WDR54: variants seen among roughly 807,000 people sequenced by gnomAD.
WDR54 encodes WD repeat domain 54.
WDR54 carries 44 observed loss-of-function variants against 44.1 expected under a neutral mutation model. The observed-to-expected ratio is 1.00, with a 90% CI of 0.78 to 1.28. The LOEUF is 1.28. Among genes scored for constraint, WDR54 ranks in the 50% most tolerant of loss-of-function variants. WDR54 has a pLI of 0.00. For synonymous variants in WDR54, 169 were observed against 169.8 expected (o/e 1.00, Z 0.04); for missense variants, 409 against 429.7 (o/e 0.95, Z 0.43).
chr2:74,423,907 C>T lies in WDR54; in HGVS notation c.459C>T (p.Asn153=), dbSNP rs1437292047. The T allele has an allele frequency of 3.7e-6, 6 of 1,614,046 alleles. 1 individual carries two copies. In the South Asian group the frequency reaches 4.4e-5, roughly 12 times the overall value. Residue 153 remains asparagine (N), a synonymous_variant, in exon 6 of 10, where the codon AAC becomes AAT. Coordinates refer to ENST00000348227, the MANE Select transcript of WDR54 (RefSeq NM_032118.4). ...LVFDIPAKGP[N]IVLSEELAGH... ...TTGACATCCCAGCAAAGGGTCCCAA[C>T]ATTGTACTGAGCGAGGAGCTGGCTG... is the stretch of plus-strand genomic sequence containing the variant.
chr2:74,423,050 C>T, intron 3 of WDR54, 118 bp downstream of exon 3: 2 of 1,072,982 alleles, frequency 1.9e-6, no homozygotes, highest in Non-Finnish European at 2.8e-6. Flanking sequence ...TTGGCCCACT[C>T]ACTCTTTTTC....
chr2:74,423,588 G>A, intron 5 of WDR54, 57 bp downstream of exon 5: 2 of 1,596,072 alleles, frequency 1.3e-6, no homozygotes, highest in Non-Finnish European at 1.7e-6. Flanking sequence ...GCTGTGGCCA[G>A]GAGAATAATG....
At chr2:74,425,291 A>G in intron 8 of WDR54, 54 bp downstream of exon 8, 1 of 1,543,312 alleles carries the variant, frequency 6.5e-7, no homozygotes. Context: ...TGGAATGTTG[A>G]GAGAACACCA....
chr2:74,424,098 T>A, intron 6 of WDR54, 116 bp downstream of exon 6: 1 of 1,332,020 alleles, frequency 7.5e-7, no homozygotes, highest in African/African-American at 1.5e-5. Context: ...CAAATCTACA[T>A]TTTCCTAGTC....
Position 74,424,963 on chromosome 2 carries a change from T to A in WDR54, c.623T>A (p.Ile208Asn). ...CCAGAATTCACATTATTGACCCGCATTCCAGGATTTGGGTAGGTGAGGCAG... is the reference window on the plus strand; with the variant it reads ...CCAGAATTCACATTATTGACCCGCAATCCAGGATTTGGGTAGGTGAGGCAG... ...SGPEFTLLTRIPGFGVPCPSV... is the reference protein window; with the variant it reads ...SGPEFTLLTRNPGFGVPCPSV... Residue 208 changes from isoleucine (I) to asparagine (N), a missense_variant, in exon 7 of 10, where the codon ATT (isoleucine) becomes AAT (asparagine). Transcript: ENST00000348227. 1 of 1,614,202 alleles carries A rather than the reference T, an allele frequency of 6.2e-7. No homozygotes were observed.
At chr2:74,423,086 C>A in intron 3 of WDR54, 154 bp downstream of exon 3, 1 of 925,712 alleles carries the variant, frequency 1.1e-6, no homozygotes, top group South Asian at 1.6e-5. Context: ...ATCTTTCCAT[C>A]TTTTCCAGTT....
chr2:74,423,128 A>C lies in WDR54; in HGVS notation c.286-191A>C. ...TGCCACCTCCAGTATCTGCCCCTTT[A>C]CTAGCTGTATGTCCTTACACTATTA... On this transcript the variant is annotated intron_variant, in intron 3 of 9. Transcript: ENST00000348227. 3.6e-6 allele frequency: 3 copies of C among 828,908 alleles called. No homozygotes were observed. The South Asian group carries it at 4.9e-5, about 13-fold the overall frequency. The allele number at this position is 828,908 out of a possible 1,614,324, so 51.3% of individuals were successfully genotyped here.
intron 5 of WDR54, 150 bp from the exon 6 acceptor site, chr2:74,423,705 C>G (rs1012369716): frequency 7.0e-7 from 1 of 1,437,316 alleles, no homozygotes; most frequent in South Asian, 1.3e-5. Flanking sequence ...TGGGATAAGA[C>G]AAGGCTAGTG....
At chr2:74,423,576 G>A (rs758006110) in intron 5 of WDR54, 45 bp downstream of exon 5, 9 of 1,605,216 alleles carry the variant, frequency 5.6e-6, no homozygotes, top group Non-Finnish European at 7.7e-6. Context: ...TGGGGCATGT[G>A]GGCTGTGGCC....
chr2:74,422,301 G>C lies in WDR54; in HGVS notation c.148G>C (p.Glu50Gln). The C allele has an allele frequency of 6.2e-7, 1 of 1,614,232 alleles. No homozygotes were observed. The highest frequency in any genetic ancestry group is 8.5e-7 in the Non-Finnish European group (1 of 1,180,042). The change falls in exon 2 of 10, where the codon GAG becomes CAG. Residue 50 changes from glutamate to glutamine, a missense_variant. Glu to Gln is a conservative substitution (Grantham distance 29). Coordinates refer to ENST00000348227, the MANE Select transcript of WDR54 (RefSeq NM_032118.4). ...CGCCCAGCTTCTCAGCGCTGCTCCT[G>C]AGGGTGTGCCCTTGGCCCAGCGCCA... ...PSAQLLSAAP[E>Q]GVPLAQRQLH...
intron 8 of WDR54, 84 bp from the exon 9 acceptor site, chr2:74,425,333 C>T (rs1400323989): frequency 6.3e-7 from 1 of 1,586,954 alleles, no homozygotes; most frequent in Non-Finnish European, 8.6e-7. Flanking sequence ...GTGTAGCCCC[C>T]TCCCCTGGGG....
chr2:74,424,765 CTT>C, intron 6 of WDR54, 108 bp from the exon 7 acceptor site: 1 of 1,405,164 alleles, frequency 7.1e-7, no homozygotes, highest in Non-Finnish European at 1.0e-6. Flanking sequence ...ACACCTTGCC[CTT>C]TCCCTGGAGA....
chr2:74,423,280 G>T (rs370965120), intron 3 of WDR54, 39 bp from the exon 4 acceptor site: 1 of 1,608,274 alleles, frequency 6.2e-7, no homozygotes, highest in Non-Finnish European at 8.5e-7. Context: ...GCAGAGGTCA[G>T]TTGGGTTATG....
chr2:74,423,758 T>C, intron 5 of WDR54, 97 bp from the exon 6 acceptor site: 1 of 1,555,960 alleles, frequency 6.4e-7, no homozygotes, highest in Non-Finnish European at 8.7e-7. Flanking sequence ...GGGGGTTTTG[T>C]TACTAAGGTT....
At chr2:74,422,742 G>A in intron 2 of WDR54, 128 bp from the exon 3 acceptor site, 1 of 863,026 alleles carries the variant, frequency 1.2e-6, no homozygotes. Context: ...GCAGTGAGCC[G>A]AGATGGCGCC....
chr2:74,422,078 A>G, intron 1 of WDR54, 75 bp from the exon 2 acceptor site: 1 of 1,487,806 alleles, frequency 6.7e-7, no homozygotes, highest in Non-Finnish European at 9.3e-7. Flanking sequence ...GAAATGCTCG[A>G]TGATAGCCGC....
At chr2:74,424,810 C>T in intron 6 of WDR54, 65 bp from the exon 7 acceptor site, 1 of 1,593,364 alleles carries the variant, frequency 6.3e-7, no homozygotes, top group South Asian at 1.1e-5. Context: ...CCCTTCCCCT[C>T]CTGCCCTGTA....
Position 74,425,697 on chromosome 2 carries a change from T to A in WDR54, c.1001T>A (p.Val334Glu). 1 of 1,614,154 alleles carries A rather than the reference T, an allele frequency of 6.2e-7. No homozygotes were observed. The highest frequency in any genetic ancestry group is 8.5e-7 in the Non-Finnish European group (1 of 1,180,016). ...GCGGAGATCCGGAGATTCAGCAGTG[T>A]GTGAGAAGAGCAGCCTTCCTTTGTC... ...DLAEIRRFSS[V>E] The change falls in exon 10 of 10, where the codon GTG becomes GAG. Residue 334 changes from valine (V) to glutamate (E), a missense_variant. Val to Glu is a moderately radical substitution (Grantham distance 121). Transcript: ENST00000348227.
intron 2 of WDR54, 46 bp downstream of exon 2, chr2:74,422,421 C>T (rs1171752487): frequency 6.4e-7 from 1 of 1,562,750 alleles, no homozygotes; most frequent in East Asian, 2.3e-5. Context: ...CAGTCCTACC[C>T]CCAGCCTTTT....
Sources: gnomAD v4.1 joint callset for allele counts on GRCh38, gnomAD v4.1.1 for gene constraint, MANE v1.5 for transcripts, NCBI Gene and HGNC (gene_info 2026-07-23, HGNC 2026-07-21) for gene names.